Variants in PCDH9 observed in about 807,000 individuals in gnomAD.
PCDH9 encodes the protein protocadherin-9.
A neutral mutation model predicts 70.6 loss-of-function variants in PCDH9; 24 were observed. The observed-to-expected ratio is 0.34, with a 90% CI of 0.25 to 0.48. The LOEUF is 0.48. Ranked by LOEUF, PCDH9 falls within the 20% of genes least tolerant of loss-of-function variation. The pLI is 0.99. For synonymous variants in PCDH9, 562 were observed against 558.5 expected (o/e 1.01, Z -0.09); for missense variants, 1,281 against 1,503.6 (o/e 0.85, Z 2.45).
At chr13:66,657,345 G>A (rs758257793) in intron 3 of PCDH9, among the ~76,000 whole-genome samples, 12 of 152,102 alleles carry the variant, frequency 7.9e-5, no homozygotes, top group African/African-American at 1.9e-4. Flanking sequence ...ACAGGGAGGC[G>A]CCTGGCATCT....
intron 3 of PCDH9, among the ~76,000 whole-genome samples, chr13:66,854,823 A>G (rs1409315789): frequency 6.6e-6 from 1 of 152,136 alleles, no homozygotes; most frequent in East Asian, 1.9e-4. Context: ...ACGAATCAAC[A>G]GTATGTGTGA....
intron 4 of PCDH9, among the ~76,000 whole-genome samples, chr13:66,351,079 A>T (rs1956284515): frequency 6.6e-6 from 1 of 152,224 alleles, no homozygotes; most frequent in African/African-American, 2.4e-5. Context: ...ATTTTAAAAT[A>T]ACTCTTATTA....
At chr13:66,934,986 C>T (rs1390499390) in intron 2 of PCDH9, among the ~76,000 whole-genome samples, 5 of 151,942 alleles carry the variant, frequency 3.3e-5, no homozygotes, top group African/African-American at 2.4e-5. Context: ...TCCCAAAGTG[C>T]TGGGATTACA....
chr13:67,160,982 C>A lies in PCDH9; in HGVS notation c.3036+64423G>T, dbSNP rs74095370. Reference sequence around the variant, plus strand: ...TGGGGACATTTATTTGAAATTTCAGCTAATCTTTCTGGAACAACAGTGATA... The same window carrying A: ...TGGGGACATTTATTTGAAATTTCAGATAATCTTTCTGGAACAACAGTGATA... On this transcript the variant is annotated intron_variant, in intron 2 of 4. Coordinates refer to ENST00000377865, the MANE Select transcript of PCDH9 (RefSeq NM_203487.3). 7.1e-3 allele frequency among the ~76,000 whole-genome samples: 1,079 copies of A among 152,282 alleles called. 13 individuals carry two copies. Among genetic ancestry groups the A allele is most frequent in the African/African-American group, 0.025 (1,025 of 41,546 alleles).
At chr13:66,532,260 T>C (rs573970912) in intron 4 of PCDH9, among the ~76,000 whole-genome samples, 1 of 152,132 alleles carries the variant, frequency 6.6e-6, no homozygotes, top group East Asian at 1.9e-4. Context: ...TGTCTTGGCC[T>C]CCCAAAGTGT....
At chr13:67,101,523 ATGTGTG>A (rs540198977) in intron 2 of PCDH9, among the ~76,000 whole-genome samples, 1 of 152,198 alleles carries the variant, frequency 6.6e-6, no homozygotes, top group Admixed American at 6.5e-5. Context: ...GGTTTGTTAT[ATGTGTG>A]TGTGTATCTT....
intron 2 of PCDH9, among the ~76,000 whole-genome samples, chr13:66,930,730 G>GA (rs1184956493): frequency 6.6e-6 from 1 of 151,512 alleles, no homozygotes; most frequent in Non-Finnish European, 1.5e-5. Context: ...CTTACATCTA[G>GA]AAAAAAAACA....
At chr13:66,502,666 C>T (rs962571702) in intron 4 of PCDH9, among the ~76,000 whole-genome samples, 1 of 151,786 alleles carries the variant, frequency 6.6e-6, no homozygotes, top group Non-Finnish European at 1.5e-5. Context: ...AGAACAAAAC[C>T]TTTAATAAAA....
chr13:67,176,941 G>C (rs1270140899), intron 2 of PCDH9, among the ~76,000 whole-genome samples: 1 of 152,046 alleles, frequency 6.6e-6, no homozygotes, highest in Non-Finnish European at 1.5e-5. Context: ...CAGTACAACA[G>C]TTGAGTTGCC....
rs184753538 is a variant in PCDH9 at position 66,413,514 on chromosome 13, G to A, written c.3341-108486C>T. Among the ~76,000 whole-genome samples, 31 of 151,816 alleles carry A rather than the reference G, an allele frequency of 2.0e-4. No individual in the cohort carries two copies. The East Asian group carries it at 5.3e-3, about 26-fold the overall frequency. Reference sequence around the variant, plus strand: ...ATCCTGGCTAACACGGTGAAACCCCGTCTCTACCAAAAACACAAAAAATTA... The same window carrying A: ...ATCCTGGCTAACACGGTGAAACCCCATCTCTACCAAAAACACAAAAAATTA... On this transcript the variant is annotated intron_variant, in intron 4 of 4. Transcript: ENST00000377865.
chr13:67,126,468 A>G (rs1031254220), intron 2 of PCDH9, among the ~76,000 whole-genome samples: 9 of 152,172 alleles, frequency 5.9e-5, no homozygotes, highest in Admixed American at 2.0e-4. Flanking sequence ...TTGACTAATT[A>G]TTAATTAAGG....
chr13:66,633,581 T>C (rs1158389297), intron 3 of PCDH9, among the ~76,000 whole-genome samples: 1 of 152,176 alleles, frequency 6.6e-6, no homozygotes, highest in Non-Finnish European at 1.5e-5. Flanking sequence ...GCTTTTACAG[T>C]GACTGATCTA....
intron 2 of PCDH9, among the ~76,000 whole-genome samples, chr13:66,990,640 T>C (rs2083983877): frequency 6.7e-6 from 1 of 150,194 alleles, no homozygotes; most frequent in African/African-American, 2.4e-5. Flanking sequence ...CATGTATACA[T>C]AAATATACAT....
At chr13:66,857,959 C>A (rs2081421732) in intron 3 of PCDH9, among the ~76,000 whole-genome samples, 1 of 152,114 alleles carries the variant, frequency 6.6e-6, no homozygotes, top group South Asian at 2.1e-4. Context: ...CTGCTTATCT[C>A]CTACCTTGCG....
chr13:66,386,999 A>G (rs1466352171), intron 4 of PCDH9, among the ~76,000 whole-genome samples: 2 of 152,202 alleles, frequency 1.3e-5, no homozygotes, highest in Non-Finnish European at 2.9e-5. Context: ...CCTCTGAGAC[A>G]CAAAAAAATC....
chr13:66,339,608 C>T (rs961838559), intron 4 of PCDH9, among the ~76,000 whole-genome samples: 11 of 152,094 alleles, frequency 7.2e-5, no homozygotes, highest in African/African-American at 2.7e-4. Context: ...TAAGCAAATA[C>T]ACTGTGCCAT....
intron 2 of PCDH9, among the ~76,000 whole-genome samples, chr13:67,062,673 T>A (rs1470899320): frequency 1.3e-5 from 2 of 152,152 alleles, no homozygotes; most frequent in South Asian, 2.1e-4. Context: ...CAAAATTGTA[T>A]ACAGATATAT....
intron 4 of PCDH9, among the ~76,000 whole-genome samples, chr13:66,580,126 A>T (rs2076869766): frequency 6.6e-6 from 1 of 152,070 alleles, no homozygotes; most frequent in Admixed American, 6.6e-5. Context: ...GAATATTTTA[A>T]TTAAAAGTTA....
chr13:67,226,952 C>T lies in PCDH9; in HGVS notation c.1489G>A (p.Asp497Asn), dbSNP rs1478754032. Reference protein sequence around the residue: ...YLTTISATDEDSGKNADIVYQ... With the variant: ...YLTTISATDENSGKNADIVYQ... ...ACAATGTCTGCATTTTTCCCACTGT[C>T]TTCATCTGTGGCACTAATAGTTGTT... Residue 497 changes from aspartate (D) to asparagine (N), a missense_variant, in exon 2 of 5, where the codon GAC (aspartate) becomes AAC (asparagine). By Grantham distance (23) the Asp-to-Asn change is conservative. This residue lies in a region of PCDH9 where 798 missense variants were observed against 1,003.1 expected (regional missense o/e 0.80). Transcript: ENST00000377865. This position sits in a 1 kb window ranked among gnomAD's most constrained non-coding sequence, Gnocchi z 5.0. The T allele has an allele frequency of 1.9e-6, 3 of 1,614,176 alleles. No homozygotes were observed. Among genetic ancestry groups the T allele is most frequent in the Non-Finnish European group, 2.5e-6 (3 of 1,180,020 alleles).
Sources: allele counts gnomAD v4.1 joint callset (sites outside exome capture counted in the v4.1 genomes callset), GRCh38; gene constraint gnomAD v4.1.1; regional missense constraint gnomAD v4.1.1; non-coding constraint Gnocchi (gnomAD v3.1); transcripts MANE v1.5; gene names NCBI Gene and HGNC (gene_info 2026-07-23, HGNC 2026-07-21).